Variants in SETDB1 observed in about 807,000 individuals in gnomAD.
SETDB1 encodes the protein histone-lysine N-methyltransferase SETDB1.
SETDB1 carries 31 observed loss-of-function variants against 137.4 expected under a neutral mutation model. That is an observed-to-expected ratio of 0.23 (90% CI 0.17 to 0.30). The LOEUF (loss-of-function observed/expected upper bound fraction) is 0.30, where lower values mean the gene tolerates loss of function less well. SETDB1 is among the 10% of genes least tolerant of loss of function. SETDB1 has a pLI of 1.00. For missense variants in SETDB1, 1,113 were observed against 1,631.5 expected, an observed-to-expected ratio of 0.68 and a Z score of 5.47; for synonymous variants, 548 against 579.9, an observed-to-expected ratio of 0.95 and a Z score of 0.79.
chr1:150,950,349 G>A, intron 12 of SETDB1, 109 bp from the exon 13 acceptor site: 1 of 947,308 alleles, frequency 1.1e-6, no homozygotes, highest in African/African-American at 1.6e-5. Flanking sequence ...TTAGCTTCAG[G>A]AGCACAGCTG....
chr1:150,938,290 A>C (rs1406768017), intron 3 of SETDB1, among the ~76,000 whole-genome samples: 1 of 152,030 alleles, frequency 6.6e-6, no homozygotes. Flanking sequence ...GGAACCGCAT[A>C]TTACATGATT....
At chr1:150,931,713 A>G (rs1558010972) in intron 3 of SETDB1, among the ~76,000 whole-genome samples, 1 of 123,810 alleles carries the variant, frequency 8.1e-6, no homozygotes, top group Non-Finnish European at 1.6e-5. Flanking sequence ...ACAGAGTGAG[A>G]CTCTGTCTCA....
chr1:150,928,183 G>A (rs1457899266), intron 2 of SETDB1: 7 of 562,050 alleles, frequency 1.2e-5, no homozygotes, highest in African/African-American at 5.6e-5. Flanking sequence ...TCCCCCTCCC[G>A]AGTAGCTGGA....
At chr1:150,942,136 T>C (rs1434293612) in intron 5 of SETDB1, among the ~76,000 whole-genome samples, 3 of 97,920 alleles carry the variant, frequency 3.1e-5, no homozygotes, top group African/African-American at 1.2e-4. Context: ...CGAGACTCCA[T>C]CTCAAAAAAA....
intron 9 of SETDB1, 43 bp from the exon 10 acceptor site, chr1:150,946,843 C>T: frequency 6.2e-7 from 1 of 1,611,448 alleles, no homozygotes; most frequent in Non-Finnish European, 8.5e-7. Context: ...TAGATTCTAG[C>T]CTTTAAGCTA....
chr1:150,949,627 G>A (rs1339268033), intron 12 of SETDB1, 102 bp downstream of exon 12: 2 of 1,011,618 alleles, frequency 2.0e-6, no homozygotes, highest in Non-Finnish European at 2.9e-6. Flanking sequence ...TTAAGCTTAT[G>A]ATAGTGAGGA....
At chr1:150,936,331 C>T (rs1018219210) in intron 3 of SETDB1, among the ~76,000 whole-genome samples, 1 of 152,100 alleles carries the variant, frequency 6.6e-6, no homozygotes, top group East Asian at 1.9e-4. Context: ...TTTAGCTTGG[C>T]TTCCAAGTAT....
intron 2 of SETDB1, 185 bp downstream of exon 2, chr1:150,928,159 G>A: frequency 3.2e-6 from 2 of 622,226 alleles, no homozygotes; most frequent in Non-Finnish European, 5.5e-6. Context: ...TCGGGTTCAA[G>A]TGATTCTCCC....
intron 14 of SETDB1, among the ~76,000 whole-genome samples, chr1:150,951,891 T>C (rs1571651415): frequency 6.6e-6 from 1 of 152,290 alleles, no homozygotes; most frequent in East Asian, 1.9e-4. Context: ...CTCACACCTG[T>C]AATCCCAGCA....
rs748663652 is a variant in SETDB1 at position 150,964,286 on chromosome 1, C to T, written c.3801C>T (p.Asn1267=). The T allele has an allele frequency of 1.2e-6, 2 of 1,614,048 alleles. No individual in the cohort carries two copies. The highest frequency in any genetic ancestry group is 3.3e-5 in the Admixed American group (2 of 59,990). ...GGACAGAACTTACTTGGGACTACAA[C>T]TACGAGGTGGGCAGTGTGGAAGGCA... The part of the protein sequence containing the change: ...RAGTELTWDY[N]YEVGSVEGKE... The change falls in exon 22 of 22, where the codon AAC becomes AAT. Residue 1267 remains asparagine (N), a synonymous_variant. Coordinates refer to ENST00000692827, the MANE Select transcript of SETDB1 (RefSeq NM_001366418.1).
intron 14 of SETDB1, among the ~76,000 whole-genome samples, chr1:150,958,919 CTTT>C (rs1670736727): frequency 6.6e-6 from 1 of 152,098 alleles, no homozygotes; most frequent in Non-Finnish European, 1.5e-5. Context: ...CTAGCATTCA[CTTT>C]TATGAGCTGT....
chr1:150,956,764 T>C (rs1670654253), intron 14 of SETDB1, among the ~76,000 whole-genome samples: 1 of 151,878 alleles, frequency 6.6e-6, no homozygotes, highest in Non-Finnish European at 1.5e-5. Flanking sequence ...TTTTTTGCTA[T>C]GGAGTCTTGC....
rs1019343529 is a variant in SETDB1, at chr1:150,930,285, T to C, written c.412+167T>C. The C allele has an allele frequency of 8.5e-6, 5 of 585,026 alleles. No individual in the cohort carries two copies. The Admixed American group carries it at 1.6e-4, about 19-fold the overall frequency. The allele number at this position is 585,026 out of a possible 1,614,324, so 36.2% of individuals were successfully genotyped here. On this transcript the variant is annotated intron_variant, in intron 3 of 21. Transcript: ENST00000692827. ...AAAAAATGCAACATTGTTAGTATCA[T>C]AGATGTTCCCTATGTGCTACACCCT...
At position 150,926,400 on chromosome 1, in the gene SETDB1, C is replaced by G. The variant is rs1332536388; in HGVS notation, c.-129C>G. The G allele has an allele frequency of 1.8e-5, 4 of 217,028 alleles. No homozygotes were observed. Among genetic ancestry groups the G allele is most frequent in the Non-Finnish European group, 3.7e-5 (4 of 107,188 alleles). 13.4% of individuals were successfully genotyped at this position (217,028 alleles called of 1,614,324 possible). A position where few individuals can be genotyped will look rare whatever the true frequency, so the allele number is the denominator to read the frequency against. The stretch of plus-strand genomic sequence containing the variant: ...TCCCCTTCCCTCTTTCACGCTTCCT[C>G]CCCTCCCCCTCCTCCCTTATCCCTT... On this transcript the variant is annotated 5_prime_UTR_variant, in exon 1 of 22. Coordinates refer to ENST00000692827, the MANE Select transcript of SETDB1 (RefSeq NM_001366418.1).
chr1:150,962,496 C>T, intron 17 of SETDB1, 91 bp from the exon 18 acceptor site: 1 of 1,304,812 alleles, frequency 7.7e-7, no homozygotes, highest in Non-Finnish European at 1.1e-6. Context: ...TCTTTTTGAC[C>T]TGTCTCCAAA....
chr1:150,930,208 A>C, intron 3 of SETDB1, 90 bp downstream of exon 3: 6 of 1,138,888 alleles, frequency 5.3e-6, no homozygotes, highest in Non-Finnish European at 7.5e-6. Context: ...AGAGAGGAGA[A>C]ACCATTGTCA....
chr1:150,943,475 G>A (rs964090299), intron 7 of SETDB1, among the ~76,000 whole-genome samples: 2 of 152,172 alleles, frequency 1.3e-5, no homozygotes, highest in African/African-American at 2.4e-5. Context: ...TCAGGAGTTC[G>A]AGACCAGCTT....
rs776252981 is a variant in SETDB1, at chr1:150,943,886, C to A, written c.876-34C>A. ...GTGGATCATGTTAAATATCATAACC[C>A]CCAGATCTTTCTGCTGTCACTCTTC... On this transcript the variant is annotated intron_variant, in intron 7 of 21. Transcript: ENST00000692827. 4 of 1,323,012 alleles carry A rather than the reference C, an allele frequency of 3.0e-6. No homozygotes were observed. In the South Asian group the frequency reaches 4.7e-5, roughly 16 times the overall value. 82.0% of individuals were successfully genotyped at this position (1,323,012 alleles called of 1,614,324 possible). A position where few individuals can be genotyped will look rare whatever the true frequency, so the allele number is the denominator to read the frequency against.
Position 150,960,766 on chromosome 1 carries a change from A to C in SETDB1, c.2707A>C (p.Asn903His), listed in dbSNP as rs748611849. 3.7e-6 allele frequency: 6 copies of C among 1,610,946 alleles called. No homozygotes were observed. The Admixed American group carries it at 8.4e-5, about 22-fold the overall frequency. ...NSGTEDPEES[N>H]DDSSDDNFCK... ...CGGTACAGAGGACCCTGAAGAGTCC[A>C]ATGATGATAGCTCAGATGATAACTT... Residue 903 changes from asparagine (N) to histidine (H), a missense_variant, in exon 16 of 22, where the codon AAT becomes CAT. This residue lies in a region of SETDB1 where 373 missense variants were observed against 412.7 expected (regional missense o/e 0.90). Transcript: ENST00000692827.
Sources: allele counts gnomAD v4.1 joint callset (sites outside exome capture counted in the v4.1 genomes callset), GRCh38; gene constraint gnomAD v4.1.1; regional missense constraint gnomAD v4.1.1; transcripts MANE v1.5; gene names NCBI Gene and HGNC (gene_info 2026-07-23, HGNC 2026-07-21).